The following PDZD2 variants were observed in gnomAD, a reference collection of about 807,000 sequenced individuals.
PDZD2 encodes PDZ domain containing 2.
In PDZD2, 90 loss-of-function variants were observed where a neutral mutation model predicts 220.7. That is an observed-to-expected ratio of 0.41 (90% CI 0.34 to 0.49). The LOEUF is 0.49. Ranked by LOEUF, PDZD2 falls within the 20% of genes least tolerant of loss-of-function variation. The pLI is 0.28. For missense variants in PDZD2, 3,174 were observed against 3,608.5 expected, an observed-to-expected ratio of 0.88 and a Z score of 3.08; for synonymous variants, 1,375 against 1,450.5, an observed-to-expected ratio of 0.95 and a Z score of 1.18.
intron 2 of PDZD2, among the ~76,000 whole-genome samples, chr5:31,968,337 G>A (rs569422543): frequency 2.6e-5 from 4 of 152,048 alleles, no homozygotes; most frequent in African/African-American, 7.2e-5. Context: ...CAGCCTGGGC[G>A]ACAGAGTGAG....
chr5:31,644,137 TTAAAG>T (rs1319967246), intron 1 of PDZD2, among the ~76,000 whole-genome samples: 1 of 152,198 alleles, frequency 6.6e-6, no homozygotes, highest in Non-Finnish European at 1.5e-5. Flanking sequence ...TTTAAGGAAA[TTAAAG>T]TATAGAATTA....
intron 2 of PDZD2, among the ~76,000 whole-genome samples, chr5:31,860,138 T>C (rs1737554230): frequency 6.6e-6 from 1 of 152,104 alleles, no homozygotes; most frequent in African/African-American, 2.4e-5. Flanking sequence ...AGTCTAACTA[T>C]TTGGTATGAT....
chr5:31,650,578 T>TA (rs1225165894), intron 1 of PDZD2, among the ~76,000 whole-genome samples: 1 of 152,210 alleles, frequency 6.6e-6, no homozygotes, highest in Non-Finnish European at 1.5e-5. Flanking sequence ...GCCTGGGACT[T>TA]AATCTTGAGA....
At chr5:31,818,998 G>A (rs1234594241) in intron 2 of PDZD2, among the ~76,000 whole-genome samples, 1 of 152,288 alleles carries the variant, frequency 6.6e-6, no homozygotes, top group East Asian at 1.9e-4. Context: ...GCATGAGATA[G>A]AATGGAAGGA....
In PDZD2 at chr5:31,750,072, C is replaced by A. The variant is rs1750853438; in HGVS notation, c.-360-48817C>A. Among the ~76,000 whole-genome samples, 3 of 152,244 alleles carry A rather than the reference C, an allele frequency of 2.0e-5. No homozygotes were observed. The South Asian group carries it at 6.2e-4, about 32-fold the overall frequency. ...ACAATCAGCCCTTTGAAGCCCACAG[C>A]AGCTTATCCTGCCCTTCTTGTCCAA... On this transcript the variant is annotated intron_variant, in intron 1 of 24. Coordinates refer to ENST00000438447, the MANE Select transcript of PDZD2 (RefSeq NM_178140.4).
intron 1 of PDZD2, among the ~76,000 whole-genome samples, chr5:31,643,624 G>A (rs552501307): frequency 1.4e-4 from 21 of 152,168 alleles, no homozygotes; most frequent in Non-Finnish European, 2.5e-4. Flanking sequence ...AATAGCAGTG[G>A]TGTTGGCCAA....
chr5:32,076,442 A>C (rs1342008288), intron 18 of PDZD2, among the ~76,000 whole-genome samples: 1 of 152,162 alleles, frequency 6.6e-6, no homozygotes, highest in Non-Finnish European at 1.5e-5. Context: ...CAGCATTTGA[A>C]ACTTGTACAA....
intron 1 of PDZD2, among the ~76,000 whole-genome samples, chr5:31,792,159 C>G (rs1448235400): frequency 6.6e-6 from 1 of 152,198 alleles, no homozygotes; most frequent in South Asian, 2.1e-4. Flanking sequence ...GAGAGCCACA[C>G]GCTTCTGACA....
chr5:31,915,428 A>T (rs1327820330), intron 2 of PDZD2, among the ~76,000 whole-genome samples: 1 of 151,866 alleles, frequency 6.6e-6, no homozygotes, highest in Non-Finnish European at 1.5e-5. Context: ...ATTCCTTGCT[A>T]CTTGTCCTCT....
intron 2 of PDZD2, among the ~76,000 whole-genome samples, chr5:31,878,565 T>TTTTTTTTTTTTC (rs1739542492): frequency 9.2e-6 from 1 of 109,142 alleles, no homozygotes; most frequent in Non-Finnish European, 1.9e-5. Flanking sequence ...CTTTTTTTTT[T>TTTTTTTTTTTTC]TTTTTTTTTT....
intron 1 of PDZD2, among the ~76,000 whole-genome samples, chr5:31,656,867 C>T (rs2150109719): frequency 6.6e-6 from 1 of 152,320 alleles, no homozygotes; most frequent in African/African-American, 2.4e-5. Context: ...GCCCCTCTCT[C>T]TCCATTAGAA....
chr5:32,048,671 C>T lies in PDZD2; in HGVS notation c.1652C>T (p.Ser551Phe). Reference protein sequence around the residue: ...KHSLPQLLDSSSASQEYHIVK... With the variant: ...KHSLPQLLDSFSASQEYHIVK... The stretch of plus-strand genomic sequence containing the variant: ...TCCCTCCCGCAGCTGCTGGACTCTT[C>T]CAGTGCCTCACAGGTCCGACCAGGG... Residue 551 changes from serine (S) to phenylalanine (F), a missense_variant, in exon 8 of 25, where the codon TCC becomes TTC. Around this residue, in one of 4 missense-constraint regions of PDZD2, gnomAD observed 632 missense variants for 708.1 expected, o/e 0.89. Coordinates refer to ENST00000438447, the MANE Select transcript of PDZD2 (RefSeq NM_178140.4). 6.2e-7 allele frequency: 1 copy of T among 1,614,030 alleles called. No individual in the cohort carries two copies. Among genetic ancestry groups the T allele is most frequent in the Non-Finnish European group, 8.5e-7 (1 of 1,179,942 alleles).
chr5:32,006,317 G>A (rs1473058204), intron 5 of PDZD2, among the ~76,000 whole-genome samples: 1 of 150,794 alleles, frequency 6.6e-6, no homozygotes, highest in Non-Finnish European at 1.5e-5. Flanking sequence ...TCACTGAGTA[G>A]CATACTGTAA....
At chr5:31,698,825 C>T (rs1449174512) in intron 1 of PDZD2, among the ~76,000 whole-genome samples, 4 of 152,194 alleles carry the variant, frequency 2.6e-5, no homozygotes, top group Non-Finnish European at 4.4e-5. Context: ...CCTGCAGATT[C>T]GGGCGGCAGC....
intron 2 of PDZD2, among the ~76,000 whole-genome samples, chr5:31,842,081 G>C (rs920484212): frequency 6.6e-6 from 1 of 152,170 alleles, no homozygotes; most frequent in African/African-American, 2.4e-5. Context: ...TAATGAAGGT[G>C]AGCCGTTAAT....
At chr5:32,055,007 A>C (rs544623808) in intron 10 of PDZD2, among the ~76,000 whole-genome samples, 38 of 152,324 alleles carry the variant, frequency 2.5e-4, no homozygotes, top group African/African-American at 9.1e-4. Flanking sequence ...TTACTTGAGA[A>C]AATAAAATAT....
chr5:32,049,562 C>G (rs1738322293), intron 8 of PDZD2, among the ~76,000 whole-genome samples: 1 of 152,186 alleles, frequency 6.6e-6, no homozygotes, highest in African/African-American at 2.4e-5. Context: ...ACAGATGGAG[C>G]AACTGAATCT....
chr5:32,081,961 G>T (rs1286336520), intron 19 of PDZD2, among the ~76,000 whole-genome samples: 1 of 151,354 alleles, frequency 6.6e-6, no homozygotes, highest in African/African-American at 2.4e-5. Context: ...CTCGTGATCT[G>T]CCCACCTCGG....
intron 1 of PDZD2, among the ~76,000 whole-genome samples, chr5:31,715,780 A>G (rs1334162625): frequency 6.6e-6 from 1 of 152,142 alleles, no homozygotes; most frequent in Non-Finnish European, 1.5e-5. Flanking sequence ...CCACGATCTC[A>G]TTTCATCATT....
Sources: gnomAD v4.1 joint callset for allele counts (sites outside exome capture counted in the v4.1 genomes callset) on GRCh38, gnomAD v4.1.1 for gene constraint, gnomAD v4.1.1 regional missense constraint, MANE v1.5 for transcripts, NCBI Gene and HGNC (gene_info 2026-07-23, HGNC 2026-07-21) for gene names.